GALNT14: variants seen among roughly 807,000 people sequenced by gnomAD.
The protein encoded by GALNT14 is polypeptide N-acetylgalactosaminyltransferase 14.
GALNT14 carries 60 observed loss-of-function variants against 77.5 expected under a neutral mutation model. That is an observed-to-expected ratio of 0.77 (90% CI 0.63 to 0.96). The LOEUF is 0.96. Among genes scored for constraint, GALNT14 ranks in the 40% least tolerant of loss-of-function variants. The pLI, the probability that GALNT14 is intolerant of heterozygous loss-of-function variation, is 0.00. For missense variants in GALNT14, 710 were observed against 731.0 expected, an observed-to-expected ratio of 0.97 and a Z score of 0.33; for synonymous variants, 280 against 281.7, an observed-to-expected ratio of 0.99 and a Z score of 0.06.
At chr2:31,089,161 C>A (rs919232223) in intron 1 of GALNT14, among the ~76,000 whole-genome samples, 3 of 152,148 alleles carry the variant, frequency 2.0e-5, no homozygotes, top group African/African-American at 7.2e-5. Context: ...GAAATCCTAG[C>A]CTACCATGAC....
At chr2:30,982,073 G>C (rs143611841) in intron 2 of GALNT14, among the ~76,000 whole-genome samples, 1 of 152,214 alleles carries the variant, frequency 6.6e-6, no homozygotes, top group African/African-American at 2.4e-5. Flanking sequence ...GCAGAGAGAA[G>C]GGGCAAAACG....
chr2:31,045,596 A>G (rs927051252), intron 1 of GALNT14, among the ~76,000 whole-genome samples: 5 of 152,052 alleles, frequency 3.3e-5, no homozygotes, highest in African/African-American at 4.8e-5. Flanking sequence ...CCAGGTAGCT[A>G]GGATTACAGG....
intron 1 of GALNT14, among the ~76,000 whole-genome samples, chr2:31,096,123 C>G (rs1475362062): frequency 6.6e-6 from 1 of 152,180 alleles, no homozygotes; most frequent in African/African-American, 2.4e-5. Context: ...TGGAATCACT[C>G]TGACTTCCTC....
chr2:30,894,678 C>T, the GALNT14 span, among the ~76,000 whole-genome samples: 1 of 152,202 alleles, frequency 6.6e-6, no homozygotes, highest in Non-Finnish European at 1.5e-5. Flanking sequence ...GGTTGGAACA[C>T]ATCTGCCTGT....
rs59421032 is a variant in GALNT14, at chr2:30,994,100, C to T, written c.130-1093G>A. Among the ~76,000 whole-genome samples, 968 of 152,256 alleles carry T rather than the reference C, an allele frequency of 6.4e-3. 11 individuals carry two copies. The highest frequency in any genetic ancestry group is 0.022 in the African/African-American group (910 of 41,492). The stretch of plus-strand genomic sequence containing the variant: ...ACTTTCAAGTTCATAAAACATAAGA[C>T]TCTGTGTTTCCAGGAAGAAAGTGCT... On this transcript the variant is annotated intron_variant, in intron 1 of 14. Transcript: ENST00000349752.
At chr2:31,114,885 C>A in intron 1 of GALNT14, 1 of 702,064 alleles carries the variant, frequency 1.4e-6, no homozygotes, top group Non-Finnish European at 2.6e-6. Context: ...GAACAGGTAA[C>A]TAACAAAGAA....
intron 1 of GALNT14, chr2:31,114,940 C>A (rs912659342): frequency 1.6e-6 from 1 of 637,756 alleles, no homozygotes; most frequent in Non-Finnish European, 2.9e-6. Flanking sequence ...AAACTGGAAT[C>A]CAGAAGACAA....
intron 1 of GALNT14, chr2:31,125,035 A>G: frequency 1.4e-6 from 1 of 693,104 alleles, no homozygotes; most frequent in South Asian, 1.8e-5. Flanking sequence ...TTCTCTCTCC[A>G]GACATCCTGG....
chr2:30,944,767 G>T, intron 8 of GALNT14, 91 bp downstream of exon 8: 2 of 1,015,120 alleles, frequency 2.0e-6, no homozygotes, highest in Non-Finnish European at 1.4e-6. Flanking sequence ...TCTGCTTGAT[G>T]CTTTGACATC....
chr2:31,085,056 G>T (rs529979259), intron 1 of GALNT14, among the ~76,000 whole-genome samples: 1 of 151,492 alleles, frequency 6.6e-6, no homozygotes, highest in African/African-American at 2.4e-5. Context: ...TGTGTGACAC[G>T]CTTTGCACTG....
At chr2:31,007,318 C>T (rs909866543) in intron 1 of GALNT14, among the ~76,000 whole-genome samples, 7 of 152,120 alleles carry the variant, frequency 4.6e-5, no homozygotes, top group Non-Finnish European at 1.0e-4. Flanking sequence ...AGGAACCTCG[C>T]CCAGGGAATC....
rs183248124 is a variant in GALNT14 at position 31,004,315 on chromosome 2, A to T, written c.130-11308T>A. ...GACTGGGTGGAAGCACAGGAGGGTG[A>T]ATTTGCCTATAACCAGGAGGCCAAT... is the stretch of plus-strand genomic sequence containing the variant. On this transcript the variant is annotated intron_variant, in intron 1 of 14. Coordinates refer to ENST00000349752, the MANE Select transcript of GALNT14 (RefSeq NM_024572.4). Among the ~76,000 whole-genome samples, 3 of 152,270 alleles carry T rather than the reference A, an allele frequency of 2.0e-5. No individual in the cohort carries two copies. In the East Asian group the frequency reaches 5.8e-4, roughly 29 times the overall value.
At chr2:31,066,432 T>C (rs961363795) in intron 1 of GALNT14, among the ~76,000 whole-genome samples, 2 of 151,464 alleles carry the variant, frequency 1.3e-5, no homozygotes, top group Non-Finnish European at 2.9e-5. Flanking sequence ...GGGGGTGGTG[T>C]CCAGCCATCT....
chr2:31,079,522 G>T (rs1269780376), intron 1 of GALNT14, among the ~76,000 whole-genome samples: 1 of 152,098 alleles, frequency 6.6e-6, no homozygotes, highest in Non-Finnish European at 1.5e-5. Context: ...TTAAGGGAAG[G>T]GTGCTAAGTC....
intron 1 of GALNT14, among the ~76,000 whole-genome samples, chr2:31,072,269 A>C (rs1433336784): frequency 2.2e-5 from 1 of 46,330 alleles, no homozygotes; most frequent in Non-Finnish European, 3.9e-5. Flanking sequence ...TCTCTCACAC[A>C]CACACACACA....
At chr2:30,903,948 C>T in the GALNT14 span, among the ~76,000 whole-genome samples, 1 of 152,308 alleles carries the variant, frequency 6.6e-6, no homozygotes, top group African/African-American at 2.4e-5. Flanking sequence ...CTAGGGCACA[C>T]CAGTAAGCTG....
chr2:31,064,164 T>C lies in GALNT14; in HGVS notation c.130-71157A>G, dbSNP rs555564055. ...CAGACAAGCTGCTGCAAATGCTTGA[T>C]TTGAGTAGGGATAGAGACTGAAATT... is the stretch of plus-strand genomic sequence containing the variant. On this transcript the variant is annotated intron_variant, in intron 1 of 14. Coordinates refer to ENST00000349752, the MANE Select transcript of GALNT14 (RefSeq NM_024572.4). Among the ~76,000 whole-genome samples the C allele has an allele frequency of 3.3e-5, 5 of 152,236 alleles. No individual in the cohort carries two copies. In the South Asian group the frequency reaches 6.2e-4, roughly 19 times the overall value.
intron 1 of GALNT14, among the ~76,000 whole-genome samples, chr2:31,049,700 T>C (rs1259911811): frequency 6.6e-6 from 1 of 152,208 alleles, no homozygotes; most frequent in Non-Finnish European, 1.5e-5. Flanking sequence ...GCAGCCTGGC[T>C]GGAAGGAGGG....
At chr2:30,889,654 G>C in the GALNT14 span, among the ~76,000 whole-genome samples, 1 of 152,150 alleles carries the variant, frequency 6.6e-6, no homozygotes, top group African/African-American at 2.4e-5. Flanking sequence ...TGGCAGACCT[G>C]GGACTCAAGT....
Sources: allele counts gnomAD v4.1 joint callset (sites outside exome capture counted in the v4.1 genomes callset), GRCh38; gene constraint gnomAD v4.1.1; transcripts MANE v1.5; gene names NCBI Gene and HGNC (gene_info 2026-07-23, HGNC 2026-07-21).